HHIPL1: variants seen among roughly 807,000 people sequenced by gnomAD.
HHIPL1 encodes the protein HHIP like 1.
Under a neutral mutation model 61.8 loss-of-function variants are expected in HHIPL1, and 43 were observed. That is an observed-to-expected ratio of 0.70 (90% CI 0.55 to 0.90). HHIPL1 has a LOEUF of 0.90. HHIPL1 is among the 40% of genes least tolerant of loss of function. The pLI, the probability that HHIPL1 is intolerant of heterozygous loss-of-function variation, is 0.00. For synonymous variants in HHIPL1, 482 were observed against 515.8 expected (o/e 0.93, Z 0.89); for missense variants, 1,056 against 1,157.7 (o/e 0.91, Z 1.28).
chr14:99,646,204 A>C (rs1595144885), intron 1 of HHIPL1, among the ~76,000 whole-genome samples: 1 of 152,256 alleles, frequency 6.6e-6, no homozygotes, highest in Admixed American at 6.5e-5. Context: ...CTGAGGCCCC[A>C]GGGCCTGACC....
chr14:99,643,840 T>C (rs1016335822), upstream of HHIPL1, among the ~76,000 whole-genome samples: 6 of 152,236 alleles, frequency 3.9e-5, no homozygotes, highest in African/African-American at 1.4e-4. Context: ...TCTCCAGCTG[T>C]GGCCAGACAG....
rs1247375990 is a variant in HHIPL1, at chr14:99,657,871, ACACACACATC to A, written c.1046+743_1046+752del. On this transcript the variant is annotated intron_variant, in intron 3 of 8. Transcript: ENST00000330710. The stretch of plus-strand genomic sequence containing the variant: ...ACATACACACAATACACACACATAT[ACACACACATC>A]CACACACATCCACATACATCCACAT... 7.8e-4 allele frequency among the ~76,000 whole-genome samples: 118 copies of A among 152,024 alleles called. 1 individual carries two copies. Among genetic ancestry groups the A allele is most frequent in the African/African-American group, 2.7e-3 (113 of 41,400 alleles).
Position 99,652,638 on chromosome 14 carries a change from G to A in HHIPL1, c.670G>A (p.Asp224Asn), listed in dbSNP as rs746998495. ...QVGLVWAYLP[D>N]RSRLGKPFLN... ...GGGGCTGGTGTGGGCCTACCTGCCC[G>A]ACCGCTCGAGGCTGGGGAAGCCTTT... The change falls in exon 2 of 9, where the codon GAC becomes AAC. Residue 224 changes from aspartate to asparagine, a missense_variant. By Grantham distance (23) the Asp-to-Asn change is conservative (BLOSUM62 1). Transcript: ENST00000330710. 7.4e-5 allele frequency: 119 copies of A among 1,613,304 alleles called. No homozygotes were observed. Among genetic ancestry groups the A allele is most frequent in the Admixed American group, 3.8e-4 (23 of 59,952 alleles).
At position 99,652,352 on chromosome 14, in the gene HHIPL1, C is replaced by T; in HGVS notation, c.384C>T (p.His128=). ...MWHKCRGLFR[H]LSTDQELWAL... ...ATAAGTGCCGGGGGCTGTTCCGTCA[C>T]CTGTCAACTGACCAGGAGCTCTGGG... is the stretch of plus-strand genomic sequence containing the variant. The change falls in exon 2 of 9, where the codon CAC becomes CAT. Residue 128 remains histidine (H), a synonymous_variant. Transcript: ENST00000330710. 2.5e-6 allele frequency: 4 copies of T among 1,614,230 alleles called. No homozygotes were observed. The highest frequency in any genetic ancestry group is 3.4e-6 in the Non-Finnish European group (4 of 1,180,050).
the HHIPL1 span, among the ~76,000 whole-genome samples, chr14:99,613,719 G>A: frequency 1.3e-5 from 2 of 151,834 alleles, no homozygotes; most frequent in African/African-American, 4.8e-5. Context: ...GACCAGCCTG[G>A]CCAACATGGT....
the HHIPL1 span, among the ~76,000 whole-genome samples, chr14:99,620,350 C>A: frequency 6.6e-6 from 1 of 152,270 alleles, no homozygotes; most frequent in African/African-American, 2.4e-5. Flanking sequence ...GCCTCTCCAA[C>A]CTGCTGGACA....
At chr14:99,666,621 C>G (rs1223726951) in intron 6 of HHIPL1, among the ~76,000 whole-genome samples, 1 of 152,218 alleles carries the variant, frequency 6.6e-6, no homozygotes, top group Non-Finnish European at 1.5e-5. Flanking sequence ...GGGGTTGGAA[C>G]AGAGGAGACC....
At chr14:99,642,938 C>T (rs1402348054), upstream of HHIPL1, among the ~76,000 whole-genome samples, 1 of 152,164 alleles carries the variant, frequency 6.6e-6, no homozygotes, top group Admixed American at 6.5e-5. Context: ...CTTTTTCCAC[C>T]AGAGCCCTTA....
intron 2 of HHIPL1, 113 bp downstream of exon 2, chr14:99,652,983 G>T: frequency 1.9e-6 from 2 of 1,072,946 alleles, no homozygotes; most frequent in Non-Finnish European, 2.6e-6. Context: ...AACACACCTG[G>T]TGGGGGTGCT....
intron 2 of HHIPL1, among the ~76,000 whole-genome samples, chr14:99,656,288 A>C (rs868677583): frequency 3.3e-5 from 5 of 152,296 alleles, no homozygotes; most frequent in Middle Eastern, 6.8e-3. Flanking sequence ...AACAAAACAA[A>C]ACAAAACACT....
At chr14:99,665,439 C>T (rs2056228106) in intron 6 of HHIPL1, among the ~76,000 whole-genome samples, 1 of 152,154 alleles carries the variant, frequency 6.6e-6, no homozygotes, top group Non-Finnish European at 1.5e-5. Flanking sequence ...GGTCAGATCA[C>T]CTCTTCCTTT....
chr14:99,617,158 A>AT, the HHIPL1 span, among the ~76,000 whole-genome samples: 1 of 152,160 alleles, frequency 6.6e-6, no homozygotes, highest in Non-Finnish European at 1.5e-5. Context: ...GAAGAGACAC[A>AT]TAATACCTTG....
chr14:99,617,278 G>A, the HHIPL1 span, among the ~76,000 whole-genome samples: 2 of 152,096 alleles, frequency 1.3e-5, no homozygotes, highest in African/African-American at 4.8e-5. Context: ...CGCGATCATC[G>A]TCATAAAACC....
intron 3 of HHIPL1, among the ~76,000 whole-genome samples, chr14:99,657,828 T>C (rs1213366608): frequency 2.0e-5 from 3 of 151,134 alleles, no homozygotes; most frequent in African/African-American, 4.9e-5. Context: ...CACACACACA[T>C]TCACATATGC....
the HHIPL1 span, among the ~76,000 whole-genome samples, chr14:99,610,548 C>T: frequency 0.65 from 99,048 of 152,054 alleles, 35,221 homozygotes; most frequent in Middle Eastern, 0.88. Flanking sequence ...TCACTTGAGG[C>T]CCGGAGTTCG....
intron 8 of HHIPL1, among the ~76,000 whole-genome samples, chr14:99,673,875 C>T (rs1445347203): frequency 3.8e-4 from 20 of 53,132 alleles, no homozygotes; most frequent in Admixed American, 2.5e-3. Context: ...GCAGGTTGCA[C>T]GGGGGGGTGC....
At chr14:99,634,183 G>A in the HHIPL1 span, among the ~76,000 whole-genome samples, 3 of 152,146 alleles carry the variant, frequency 2.0e-5, no homozygotes, top group South Asian at 2.1e-4. Flanking sequence ...GGGCTTCTGA[G>A]CAGCGAGAGA....
At chr14:99,674,691 C>G (rs1037961208) in intron 8 of HHIPL1, among the ~76,000 whole-genome samples, 1 of 152,202 alleles carries the variant, frequency 6.6e-6, no homozygotes, top group Non-Finnish European at 1.5e-5. Flanking sequence ...CTCTTAGAAG[C>G]CTTCCCAGAC....
At chr14:99,674,693 T>C (rs1209018076) in intron 8 of HHIPL1, among the ~76,000 whole-genome samples, 3 of 152,162 alleles carry the variant, frequency 2.0e-5, no homozygotes, top group South Asian at 2.1e-4. Flanking sequence ...CTTAGAAGCC[T>C]TCCCAGACAC....
Sources: allele counts gnomAD v4.1 joint callset (sites outside exome capture counted in the v4.1 genomes callset), GRCh38; gene constraint gnomAD v4.1.1; transcripts MANE v1.5; gene names NCBI Gene and HGNC (gene_info 2026-07-23, HGNC 2026-07-21).